The following MYLK4 variants were observed in gnomAD, a reference collection of about 807,000 sequenced individuals.
MYLK4 encodes the protein caMLCK like.
MYLK4 carries 46 observed loss-of-function variants against 48.1 expected under a neutral mutation model. That is an observed-to-expected ratio of 0.96 (90% CI 0.75 to 1.22). The LOEUF is 1.22. Ranked by LOEUF, MYLK4 falls within the 50% of genes most tolerant of loss-of-function variation. MYLK4 has a pLI of 0.00. For synonymous variants in MYLK4, 170 were observed against 180.8 expected (o/e 0.94, Z 0.48); for missense variants, 451 against 486.1 (o/e 0.93, Z 0.68).
chr6:2,721,746 T>A (rs1763077517), intron 2 of MYLK4, among the ~76,000 whole-genome samples: 1 of 152,164 alleles, frequency 6.6e-6, no homozygotes, highest in Non-Finnish European at 1.5e-5. Context: ...GGCAGAAACT[T>A]TTCCCAATAC....
At chr6:2,741,045 C>T (rs1049676156) in intron 2 of MYLK4, among the ~76,000 whole-genome samples, 2 of 152,160 alleles carry the variant, frequency 1.3e-5, no homozygotes, top group Non-Finnish European at 2.9e-5. Context: ...ATAAATAAAA[C>T]ATCAAAACCA....
chr6:2,758,369 T>G, the MYLK4 span, among the ~76,000 whole-genome samples: 1 of 151,198 alleles, frequency 6.6e-6, no homozygotes, highest in Non-Finnish European at 1.5e-5. Flanking sequence ...TATGTATATA[T>G]GAAATACATA....
At chr6:2,730,737 C>T (rs969726138) in intron 2 of MYLK4, among the ~76,000 whole-genome samples, 1 of 143,966 alleles carries the variant, frequency 6.9e-6, no homozygotes, top group Non-Finnish European at 1.5e-5. Context: ...ATTTATTCAT[C>T]TTAAAAAAAT....
At chr6:2,729,845 G>C (rs1404496957) in intron 2 of MYLK4, among the ~76,000 whole-genome samples, 1 of 152,122 alleles carries the variant, frequency 6.6e-6, no homozygotes, top group African/African-American at 2.4e-5. Flanking sequence ...ATTTATATAA[G>C]CAAGAAGGGT....
chr6:2,768,297 T>C, the MYLK4 span, among the ~76,000 whole-genome samples: 1 of 152,208 alleles, frequency 6.6e-6, no homozygotes, highest in Admixed American at 6.5e-5. Context: ...TGCACCTAGA[T>C]CCTTCCGTGC....
chr6:2,744,779 A>AC (rs2113370397), intron 2 of MYLK4, among the ~76,000 whole-genome samples: 1 of 152,262 alleles, frequency 6.6e-6, no homozygotes, highest in South Asian at 2.1e-4. Flanking sequence ...GCTTTGGGAT[A>AC]CCCCCTGGTT....
At chr6:2,720,495 T>C (rs1398937657) in intron 2 of MYLK4, among the ~76,000 whole-genome samples, 6 of 151,758 alleles carry the variant, frequency 4.0e-5, no homozygotes, top group Admixed American at 2.6e-4. Flanking sequence ...ACTTTAAAAA[T>C]TACTCATTGA....
chr6:2,691,565 A>C (rs1338634663), intron 3 of MYLK4, among the ~76,000 whole-genome samples: 1 of 152,264 alleles, frequency 6.6e-6, no homozygotes, highest in Non-Finnish European at 1.5e-5. Flanking sequence ...TAGGCAATTT[A>C]TTATTTATAA....
chr6:2,745,117 C>G (rs6927194), intron 2 of MYLK4, among the ~76,000 whole-genome samples: 23,651 of 151,940 alleles, frequency 0.16, 6,013 homozygotes, highest in African/African-American at 0.54. Flanking sequence ...GGGTGGTACA[C>G]CGAGGAAAGC....
upstream of MYLK4, among the ~76,000 whole-genome samples, chr6:2,751,516 A>G (rs145390628): frequency 5.3e-5 from 8 of 152,344 alleles, no homozygotes; most frequent in Non-Finnish European, 2.9e-5. Flanking sequence ...GCACAGACCA[A>G]GAAAGGGGAA....
chr6:2,674,282 C>A (rs908893602), intron 11 of MYLK4, among the ~76,000 whole-genome samples: 10 of 152,098 alleles, frequency 6.6e-5, no homozygotes, highest in African/African-American at 2.4e-4. Context: ...GTATAGATAC[C>A]CGGACTAAGC....
chr6:2,710,134 T>C (rs899154518), intron 2 of MYLK4, among the ~76,000 whole-genome samples: 2 of 152,212 alleles, frequency 1.3e-5, no homozygotes, highest in African/African-American at 4.8e-5. Flanking sequence ...AGTACTAATA[T>C]AAACCTTCTC....
intron 2 of MYLK4, among the ~76,000 whole-genome samples, chr6:2,730,739 T>TA (rs11433364): frequency 0.21 from 31,177 of 151,962 alleles, 3,267 homozygotes; most frequent in Middle Eastern, 0.27. Flanking sequence ...TTATTCATCT[T>TA]AAAAAAATAC....
intron 2 of MYLK4, among the ~76,000 whole-genome samples, chr6:2,722,209 T>C (rs1187107987): frequency 6.6e-6 from 1 of 152,188 alleles, no homozygotes; most frequent in Non-Finnish European, 1.5e-5. Context: ...ATAAAATTGA[T>C]AGAATATTTA....
Position 2,746,261 on chromosome 6 carries a change from C to T in MYLK4, c.159+2875G>A, listed in dbSNP as rs536699525. Among the ~76,000 whole-genome samples, 119 of 147,586 alleles carry T rather than the reference C, an allele frequency of 8.1e-4. 2 individuals carry two copies. In the South Asian group the frequency reaches 0.021, roughly 25 times the overall value. On this transcript the variant is annotated intron_variant, in intron 2 of 12. Coordinates refer to ENST00000274643, the MANE Select transcript of MYLK4 (RefSeq NM_001012418.5). ...CAGCCTGGGTGACAGAGCAAGACTC[C>T]GTCTCAAAAAAAGAAAAAAAGAAAA...
intron 2 of MYLK4, among the ~76,000 whole-genome samples, chr6:2,696,352 C>G (rs1200738568): frequency 6.6e-6 from 1 of 152,236 alleles, no homozygotes; most frequent in African/African-American, 2.4e-5. Context: ...ACGATATACG[C>G]ACACAAATTC....
In MYLK4 at chr6:2,688,940, A is replaced by C. The variant is rs753310666; in HGVS notation, c.252T>G (p.Pro84=). 1.9e-6 allele frequency: 3 copies of C among 1,614,086 alleles called. No homozygotes were observed. Among genetic ancestry groups the C allele is most frequent in the Non-Finnish European group, 2.5e-6 (3 of 1,180,004 alleles). Residue 84 remains proline, a synonymous_variant, in exon 4 of 13, where the codon CCT becomes CCG. Transcript: ENST00000274643. ...CAATACGATGATCAAATGGGGCCGGAGGAGCCGGGATGTCAACTAGAAGGT... is the reference window on the plus strand; with the variant it reads ...CAATACGATGATCAAATGGGGCCGGCGGAGCCGGGATGTCAACTAGAAGGT... ...TSALAVDIPA[P]PAPFDHRIVT... is the part of the protein sequence containing the mutation.
chr6:2,759,969 A>C, the MYLK4 span, among the ~76,000 whole-genome samples: 8 of 152,232 alleles, frequency 5.3e-5, no homozygotes. Flanking sequence ...CATCCAACCA[A>C]CAGTGGATCA....
At chr6:2,768,083 C>T in the MYLK4 span, among the ~76,000 whole-genome samples, 1 of 152,172 alleles carries the variant, frequency 6.6e-6, no homozygotes, top group Admixed American at 6.5e-5. Flanking sequence ...AAGTGCTTTA[C>T]CTGGGTCTCC....
Sources: gnomAD v4.1 joint callset for allele counts (sites outside exome capture counted in the v4.1 genomes callset) on GRCh38, gnomAD v4.1.1 for gene constraint, MANE v1.5 for transcripts, NCBI Gene and HGNC (gene_info 2026-07-23, HGNC 2026-07-21) for gene names.